Variants in SNTG1 observed in about 807,000 individuals in gnomAD.
The protein encoded by SNTG1 is gamma-1-syntrophin.
Under a neutral mutation model 74.7 loss-of-function variants are expected in SNTG1, and 39 were observed. The ratio of observed to expected loss-of-function variants is 0.52; its 90% CI spans 0.40 to 0.68. The LOEUF (loss-of-function observed/expected upper bound fraction) is 0.68, where lower values mean the gene tolerates loss of function less well. Among genes scored for constraint, SNTG1 ranks in the 30% least tolerant of loss-of-function variants. SNTG1 has a pLI of 0.00. For synonymous variants in SNTG1, 254 were observed against 217.1 expected (o/e 1.17, Z -1.49); for missense variants, 685 against 609.5 (o/e 1.12, Z -1.30).
At chr8:50,172,221 G>A (rs555572489) in intron 1 of SNTG1, among the ~76,000 whole-genome samples, 2 of 152,278 alleles carry the variant, frequency 1.3e-5, no homozygotes, top group South Asian at 2.1e-4. Flanking sequence ...TAAACTTGGA[G>A]TCTGATTCTA....
At chr8:50,606,755 T>C (rs2094815814) in intron 13 of SNTG1, among the ~76,000 whole-genome samples, 1 of 151,960 alleles carries the variant, frequency 6.6e-6, no homozygotes, top group South Asian at 2.1e-4. Flanking sequence ...CTGTTACTAG[T>C]TTGTTAAAAA....
intron 12 of SNTG1, among the ~76,000 whole-genome samples, chr8:50,573,779 T>A (rs2094561803): frequency 6.6e-6 from 1 of 151,856 alleles, no homozygotes; most frequent in Non-Finnish European, 1.5e-5. Flanking sequence ...GTAAAAAATG[T>A]CTAATGAAAA....
chr8:50,539,460 G>A (rs1267333314), intron 11 of SNTG1, among the ~76,000 whole-genome samples: 4 of 152,266 alleles, frequency 2.6e-5, no homozygotes, highest in African/African-American at 9.6e-5. Flanking sequence ...AAGGTTGGAG[G>A]TAGAAGCTCA....
At chr8:50,769,847 A>T (rs1585748545) in intron 18 of SNTG1, among the ~76,000 whole-genome samples, 1 of 152,266 alleles carries the variant, frequency 6.6e-6, no homozygotes, top group African/African-American at 2.4e-5. Flanking sequence ...GCAAAATTTT[A>T]TTAAACATTG....
At chr8:50,770,967 A>G (rs2095625672) in intron 18 of SNTG1, among the ~76,000 whole-genome samples, 2 of 152,120 alleles carry the variant, frequency 1.3e-5, no homozygotes, top group Non-Finnish European at 1.5e-5. Context: ...TCCAGCCACC[A>G]TAATCAGAGC....
chr8:49,964,549 A>G (rs561175366), intron 1 of SNTG1, among the ~76,000 whole-genome samples: 1 of 152,222 alleles, frequency 6.6e-6, no homozygotes, highest in African/African-American at 2.4e-5. Context: ...GCACAGGCAT[A>G]TACTCTATCT....
At chr8:50,665,656 T>C (rs1347816295) in intron 15 of SNTG1, among the ~76,000 whole-genome samples, 3 of 152,086 alleles carry the variant, frequency 2.0e-5, no homozygotes, top group Non-Finnish European at 2.9e-5. Context: ...TAAGGAGGTG[T>C]TCAGAGAATG....
intron 1 of SNTG1, among the ~76,000 whole-genome samples, chr8:49,940,822 T>G (rs1044653546): frequency 6.6e-6 from 1 of 152,166 alleles, no homozygotes; most frequent in Non-Finnish European, 1.5e-5. Context: ...AGAACACATG[T>G]TGCAAAAACA....
intron 1 of SNTG1, 118 bp from the exon 2 acceptor site, chr8:50,172,443 G>A (rs1158873182): frequency 6.6e-6 from 1 of 152,174 alleles, no homozygotes; most frequent in African/African-American, 2.4e-5. Flanking sequence ...TATGATTTGA[G>A]TGTAAATAGC....
At chr8:50,105,897 A>G (rs958610603) in intron 1 of SNTG1, among the ~76,000 whole-genome samples, 1 of 152,032 alleles carries the variant, frequency 6.6e-6, no homozygotes, top group Non-Finnish European at 1.5e-5. Flanking sequence ...TGAAACTTTG[A>G]CAAAGTTGTT....
chr8:50,052,968 T>C (rs1273679503), intron 1 of SNTG1, among the ~76,000 whole-genome samples: 2 of 152,140 alleles, frequency 1.3e-5, no homozygotes, highest in Non-Finnish European at 2.9e-5. Context: ...CTGGGGCATC[T>C]GAAATGGCAC....
At chr8:50,562,128 C>A (rs1364949256) in intron 12 of SNTG1, among the ~76,000 whole-genome samples, 3 of 152,180 alleles carry the variant, frequency 2.0e-5, no homozygotes, top group Non-Finnish European at 4.4e-5. Context: ...TCAAAACTGA[C>A]ATTTTATCTT....
chr8:50,418,672 TTTAG>T (rs1244753527), intron 4 of SNTG1, among the ~76,000 whole-genome samples: 1 of 152,046 alleles, frequency 6.6e-6, no homozygotes, highest in African/African-American at 2.4e-5. Context: ...AACATGAAGT[TTTAG>T]TTAAACTTCA....
chr8:50,466,325 C>T (rs941931175), intron 8 of SNTG1, among the ~76,000 whole-genome samples: 12 of 152,036 alleles, frequency 7.9e-5, no homozygotes, highest in Admixed American at 3.9e-4. Context: ...CATTGAATTG[C>T]CATTGCTTCT....
At chr8:50,579,704 A>C (rs900482717) in intron 12 of SNTG1, among the ~76,000 whole-genome samples, 7 of 152,236 alleles carry the variant, frequency 4.6e-5, no homozygotes, top group Non-Finnish European at 8.8e-5. Flanking sequence ...CAGATGATGC[A>C]AGTCCCAAGC....
chr8:50,433,787 C>T (rs140163067), intron 4 of SNTG1, among the ~76,000 whole-genome samples: 10 of 152,222 alleles, frequency 6.6e-5, no homozygotes, highest in African/African-American at 2.4e-4. Context: ...AGACATAGGT[C>T]CAGCTCTCAG....
At chr8:50,241,697 A>T (rs1277932765) in intron 2 of SNTG1, among the ~76,000 whole-genome samples, 1 of 152,216 alleles carries the variant, frequency 6.6e-6, no homozygotes, top group East Asian at 1.9e-4. Flanking sequence ...GAAGTTGCAA[A>T]AACAGTTTTC....
chr8:50,009,828 T>C (rs968647108), intron 1 of SNTG1, among the ~76,000 whole-genome samples: 1 of 152,050 alleles, frequency 6.6e-6, no homozygotes, highest in Non-Finnish European at 1.5e-5. Flanking sequence ...CAAAACCCCA[T>C]CTCTACTAAA....
intron 8 of SNTG1, among the ~76,000 whole-genome samples, chr8:50,453,801 G>C (rs1257916627): frequency 1.3e-5 from 2 of 152,006 alleles, no homozygotes; most frequent in East Asian, 3.9e-4. Context: ...GGTGGGACAG[G>C]GTCTGCTTAG....
Sources: gnomAD v4.1 joint callset for allele counts (sites outside exome capture counted in the v4.1 genomes callset) on GRCh38, gnomAD v4.1.1 for gene constraint, MANE v1.5 for transcripts, NCBI Gene and HGNC (gene_info 2026-07-23, HGNC 2026-07-21) for gene names.